SMC2: variants seen among roughly 807,000 people sequenced by gnomAD.
The protein encoded by SMC2 is structural maintenance of chromosomes protein 2.
A neutral mutation model predicts 142.6 loss-of-function variants in SMC2; 41 were observed. The ratio of observed to expected loss-of-function variants is 0.29; its 90% CI spans 0.22 to 0.37. The LOEUF (loss-of-function observed/expected upper bound fraction) is 0.37. Ranked by LOEUF, SMC2 falls within the 10% of genes least tolerant of loss-of-function variation. The pLI, the probability that SMC2 is intolerant of heterozygous loss-of-function variation, is 1.00. For synonymous variants in SMC2, 463 were observed against 457.5 expected, an observed-to-expected ratio of 1.01 and a Z score of -0.15; for missense variants, 1,265 against 1,373.7, an observed-to-expected ratio of 0.92 and a Z score of 1.25.
chr9:104,105,671 T>C (rs1313785068), intron 9 of SMC2, among the ~76,000 whole-genome samples: 1 of 152,138 alleles, frequency 6.6e-6, no homozygotes, highest in East Asian at 1.9e-4. Context: ...TAAAATGGCA[T>C]TTTTAGCACC....
At chr9:104,116,627 T>G (rs1290413060) in intron 14 of SMC2, among the ~76,000 whole-genome samples, 1 of 152,184 alleles carries the variant, frequency 6.6e-6, no homozygotes, top group Non-Finnish European at 1.5e-5. Context: ...TCTAGATACG[T>G]ACCCCAAATT....
rs34755397 is a variant in SMC2, at chr9:104,102,505, G to C, written c.952G>C (p.Asp318His). The C allele has an allele frequency of 3.3e-5, 54 of 1,613,632 alleles. No individual in the cohort carries two copies. Among genetic ancestry groups the C allele is most frequent in the Non-Finnish European group, 3.2e-5 (38 of 1,179,824 alleles). ...TAATACTAAATCTCAAAGCGCATTTGATCTCAAGAAGAAAAATCTGGCATG... is the reference window on the plus strand; with the variant it reads ...TAATACTAAATCTCAAAGCGCATTTCATCTCAAGAAGAAAAATCTGGCATG... The part of the protein sequence containing the change: ...RVNTKSQSAF[D>H]LKKKNLACEE... Residue 318 changes from aspartate to histidine, a missense_variant, in exon 9 of 25, where the codon GAT becomes CAT. By Grantham distance (81) the Asp-to-His change is moderately conservative. Coordinates refer to ENST00000374793, the MANE Select transcript of SMC2 (RefSeq NM_006444.3).
intron 3 of SMC2, among the ~76,000 whole-genome samples, chr9:104,096,882 C>T (rs1830494685): frequency 6.6e-6 from 1 of 152,198 alleles, no homozygotes; most frequent in South Asian, 2.1e-4. Context: ...CAGTTTCCCT[C>T]CCTGCTCCTG....
At chr9:104,124,539 T>C (rs908253211) in intron 17 of SMC2, among the ~76,000 whole-genome samples, 5 of 152,042 alleles carry the variant, frequency 3.3e-5, no homozygotes, top group African/African-American at 1.2e-4. Flanking sequence ...AATTACACAC[T>C]TTCTAGCAAC....
chr9:104,138,310 TTAAA>T (rs1490280505), intron 24 of SMC2, 145 bp downstream of exon 24: 6 of 622,086 alleles, frequency 9.6e-6, no homozygotes, highest in Non-Finnish European at 1.5e-5. Flanking sequence ...AGACTTATGT[TTAAA>T]TAGGTATAGA....
intron 9 of SMC2, among the ~76,000 whole-genome samples, chr9:104,105,311 G>C (rs1003747536): frequency 1.3e-5 from 2 of 152,074 alleles, no homozygotes; most frequent in African/African-American, 4.8e-5. Flanking sequence ...CATGCCCAAC[G>C]TACAGGATCC....
upstream of SMC2, among the ~76,000 whole-genome samples, chr9:104,093,966 A>C (rs1202551523): frequency 6.6e-6 from 1 of 152,228 alleles, no homozygotes; most frequent in East Asian, 1.9e-4. Flanking sequence ...AGCCACAGCC[A>C]GCACCGCAGA....
At position 104,111,786 on chromosome 9, in the gene SMC2, T is replaced by G; in HGVS notation, c.1226T>G (p.Ile409Arg). ...AGQMMACKND[I>R]SKAQTEAKQA... The stretch of plus-strand genomic sequence containing the variant: ...CAAATGATGGCCTGTAAAAATGATA[T>G]AAGTAAAGCTCAGACAGAAGCCAAA... Residue 409 changes from isoleucine to arginine, a missense_variant, in exon 10 of 25, where the codon ATA (isoleucine) becomes AGA (arginine). Physicochemically the swap from Ile to Arg is moderately conservative, Grantham distance 97. This residue lies in a region of SMC2 where 898 missense variants were observed against 904.2 expected (regional missense o/e 0.99). Coordinates refer to ENST00000374793, the MANE Select transcript of SMC2 (RefSeq NM_006444.3). The G allele has an allele frequency of 6.2e-7, 1 of 1,613,774 alleles. No homozygotes were observed. The highest frequency in any genetic ancestry group is 8.5e-7 in the Non-Finnish European group (1 of 1,179,776).
chr9:104,140,754 G>T lies in SMC2; in HGVS notation c.*1439G>T, dbSNP rs1380599819. The T allele has an allele frequency of 1.3e-5, 2 of 152,528 alleles. No homozygotes were observed. The highest frequency in any genetic ancestry group is 2.9e-5 in the Non-Finnish European group (2 of 68,010). The allele number at this position is 152,528 out of a possible 1,614,324, so 9.4% of individuals were successfully genotyped here. ...TTTGTTTCCTTTCAAATGTATTACAGACTGTGCCAAAACAGTTACCAATTC... is the reference window on the plus strand; with the variant it reads ...TTTGTTTCCTTTCAAATGTATTACATACTGTGCCAAAACAGTTACCAATTC... On this transcript the variant is annotated 3_prime_UTR_variant, in exon 25 of 25. Transcript: ENST00000374793.
At chr9:104,104,404 G>A (rs1192050672) in intron 9 of SMC2, among the ~76,000 whole-genome samples, 1 of 152,176 alleles carries the variant, frequency 6.6e-6, no homozygotes, top group Non-Finnish European at 1.5e-5. Context: ...GCCTAGGGTG[G>A]TTTGAATTTT....
intron 22 of SMC2, among the ~76,000 whole-genome samples, chr9:104,132,840 GTTTT>G (rs763551994): frequency 2.1e-5 from 3 of 144,290 alleles, no homozygotes; most frequent in African/African-American, 7.6e-5. Context: ...GATCTGAGAG[GTTTT>G]TTTTTTTTTC....
rs150942196 is a variant in SMC2 at position 104,112,048 on chromosome 9, G to A, written c.1254+234G>A. ...TGTACTACATAAATTATCTTAATTC[G>A]GTATGTAAGTGCAATAAATGCTTTG... is the stretch of plus-strand genomic sequence containing the variant. On this transcript the variant is annotated intron_variant, in intron 10 of 24. Coordinates refer to ENST00000374793, the MANE Select transcript of SMC2 (RefSeq NM_006444.3). Among the ~76,000 whole-genome samples, 126 of 152,216 alleles carry A rather than the reference G, an allele frequency of 8.3e-4. 1 individual carries two copies. The highest frequency in any genetic ancestry group is 3.4e-3 in the Middle Eastern group (1 of 294).
rs374800587 is a variant in SMC2, at chr9:104,100,080, A to T, written c.481-13A>T. On this transcript the variant is annotated splice_polypyrimidine_tract_variant and intron_variant, in intron 5 of 24. Transcript: ENST00000374793. ...GTCTTGGATACTAAACATTAATAAA[A>T]TTGTCATTCCAGATTTTATCCATGA... The T allele has an allele frequency of 7.2e-7, 1 of 1,391,342 alleles. No individual in the cohort carries two copies. Among genetic ancestry groups the T allele is most frequent in the Non-Finnish European group, 1.0e-6 (1 of 1,003,304 alleles). 86.2% of individuals were successfully genotyped at this position (1,391,342 alleles called of 1,614,324 possible).
At chr9:104,126,597 A>G in intron 18 of SMC2, 44 bp from the exon 19 acceptor site, 1 of 1,458,732 alleles carries the variant, frequency 6.9e-7, no homozygotes, top group Non-Finnish European at 9.3e-7. Context: ...GTTTTTCAGT[A>G]GTTAATAACC....
chr9:104,107,568 G>A lies in SMC2; in HGVS notation c.1021-4013G>A, dbSNP rs543253869. ...TTGTTGGTCACCTGGATTAAAGGGG[G>A]CCAAAAAAAGACCCACATGGGTTAT... On this transcript the variant is annotated intron_variant, in intron 9 of 24. Transcript: ENST00000374793. Among the ~76,000 whole-genome samples, 8 of 152,260 alleles carry A rather than the reference G, an allele frequency of 5.3e-5. No homozygotes were observed. The East Asian group carries it at 1.5e-3, about 29-fold the overall frequency.
chr9:104,107,898 T>A (rs915530261), intron 9 of SMC2, among the ~76,000 whole-genome samples: 2 of 152,058 alleles, frequency 1.3e-5, no homozygotes, highest in African/African-American at 4.8e-5. Flanking sequence ...ACTTAAGAGG[T>A]TTTGGGTAAG....
chr9:104,129,238 C>T (rs1015198466), intron 20 of SMC2, among the ~76,000 whole-genome samples: 3 of 152,122 alleles, frequency 2.0e-5, no homozygotes, highest in Non-Finnish European at 4.4e-5. Context: ...CACGGTGGCT[C>T]ACGCCTGTAA....
At chr9:104,109,754 A>T (rs374135151) in intron 9 of SMC2, among the ~76,000 whole-genome samples, 3 of 152,198 alleles carry the variant, frequency 2.0e-5, no homozygotes, top group African/African-American at 7.2e-5. Flanking sequence ...TATCAAAAAA[A>T]TTAAGAAGAA....
intron 8 of SMC2, 41 bp downstream of exon 8, chr9:104,102,234 A>C: frequency 8.1e-7 from 1 of 1,229,124 alleles, no homozygotes. Context: ...TACTCTGTGA[A>C]AAACGTACTA....
Sources: allele counts gnomAD v4.1 joint callset (sites outside exome capture counted in the v4.1 genomes callset), GRCh38; gene constraint gnomAD v4.1.1; regional missense constraint gnomAD v4.1.1; transcripts MANE v1.5; gene names NCBI Gene and HGNC (gene_info 2026-07-23, HGNC 2026-07-21).